SBNO1: variants seen among roughly 807,000 people sequenced by gnomAD.
The protein encoded by SBNO1 is strawberry notch homolog 1, also known as protein strawberry notch homolog 1.
In SBNO1, 23 loss-of-function variants were observed where a neutral mutation model predicts 173.6. The ratio of observed to expected loss-of-function variants is 0.13; its 90% CI spans 0.10 to 0.19. The LOEUF (loss-of-function observed/expected upper bound fraction) is 0.19. SBNO1 is among the 10% of genes least tolerant of loss of function. The probability of loss-of-function intolerance (pLI) is 1.00; values close to 1 mark genes in which losing one functional copy is unlikely to be tolerated. For missense variants in SBNO1, 1,238 were observed against 1,671.2 expected (o/e 0.74, Z 4.52); for synonymous variants, 632 against 571.5 (o/e 1.11, Z -1.51).
chr12:123,294,182 GAATA>G lies in SBNO1; in HGVS notation c.*1722_*1725del, dbSNP rs2048550872. On this transcript the variant is annotated 3_prime_UTR_variant, in exon 32 of 32. Transcript: ENST00000602398. ...TTCAATTTATTCTTTTAGGCACCAA[GAATA>G]AATAAATCCTAAGAAAACTTACGGT... The G allele has an allele frequency of 2.6e-5, 4 of 152,032 alleles. No individual in the cohort carries two copies. The highest frequency in any genetic ancestry group is 2.0e-4 in the Admixed American group (3 of 15,248). The allele number at this position is 152,032 out of a possible 1,614,324, so 9.4% of individuals were successfully genotyped here.
chr12:123,327,652 A>G, intron 12 of SBNO1, 55 bp downstream of exon 12: 2 of 1,590,120 alleles, frequency 1.3e-6, no homozygotes, highest in African/African-American at 2.7e-5. Context: ...GGCTTTAGGA[A>G]TAACACACTT....
chr12:123,363,933 A>G (rs1179595979), intron 1 of SBNO1: 15 of 985,330 alleles, frequency 1.5e-5, no homozygotes, highest in Admixed American at 1.2e-4. Context: ...ACCGACCCCA[A>G]ACCACTTCTG....
At chr12:123,363,165 G>A (rs182263335) in intron 1 of SBNO1, among the ~76,000 whole-genome samples, 1 of 152,182 alleles carries the variant, frequency 6.6e-6, no homozygotes, top group East Asian at 1.9e-4. Context: ...GCAGAAGCCA[G>A]AGAAAAAAAG....
chr12:123,314,357 G>C (rs1869010704), intron 23 of SBNO1, among the ~76,000 whole-genome samples: 1 of 151,260 alleles, frequency 6.6e-6, no homozygotes, highest in Non-Finnish European at 1.5e-5. Context: ...TTGAGACGGA[G>C]TCTTGCTCTG....
chr12:123,304,656 A>G lies in SBNO1; in HGVS notation c.3694T>C (p.Leu1232=). 8 of 1,571,866 alleles carry G rather than the reference A, an allele frequency of 5.1e-6. No homozygotes were observed. Among genetic ancestry groups the G allele is most frequent in the Non-Finnish European group, 7.0e-6 (8 of 1,143,330 alleles). Residue 1232 remains leucine, a synonymous_variant, in exon 29 of 32, where the codon TTA becomes CTA. Transcript: ENST00000602398. ...KEVNPKKKLF[L]VYRPNTGKQL... ...TTCCCAGTATTTGGTCGATAAACTAAGAAAAGTTTCTTTTTAGGATTCACT... is the reference window on the plus strand; with the variant it reads ...TTCCCAGTATTTGGTCGATAAACTAGGAAAAGTTTCTTTTTAGGATTCACT...
chr12:123,328,804 T>G lies in SBNO1; in HGVS notation c.1226A>C (p.Gln409Pro), dbSNP rs749736815. The G allele has an allele frequency of 6.2e-7, 1 of 1,610,966 alleles. No individual in the cohort carries two copies. The highest frequency in any genetic ancestry group is 2.2e-5 in the East Asian group (1 of 44,848). The change falls in exon 10 of 32, where the codon CAG (glutamine) becomes CCG (proline). Residue 409 changes from glutamine to proline, a missense_variant. By Grantham distance (76) the Gln-to-Pro change is moderately conservative (BLOSUM62 -1). Around this residue, in one of 14 missense-constraint regions of SBNO1, gnomAD observed 182 missense variants for 339.9 expected, o/e 0.54. Transcript: ENST00000602398. ...CCTAGTTTTATACTTGCCGCCAGACTGGCTTTCACCAATAAGTGAAGAGTA... is the reference window on the plus strand; with the variant it reads ...CCTAGTTTTATACTTGCCGCCAGACGGGCTTTCACCAATAAGTGAAGAGTA... ...ATYSSLIGES[Q>P]SGGKYKTRLK...
intron 13 of SBNO1, among the ~76,000 whole-genome samples, chr12:123,326,923 C>T (rs115726354): frequency 6.6e-6 from 1 of 152,154 alleles, no homozygotes; most frequent in African/African-American, 2.4e-5. Context: ...TAAGACCCTG[C>T]TTCAATTAAA....
chr12:123,334,541 C>A (rs2139016285), intron 6 of SBNO1, among the ~76,000 whole-genome samples: 1 of 152,086 alleles, frequency 6.6e-6, no homozygotes, highest in Admixed American at 6.5e-5. Flanking sequence ...ATCCCTGTCT[C>A]TACTAAAAAT....
intron 1 of SBNO1, chr12:123,363,992 G>C (rs1455668168): frequency 2.1e-5 from 21 of 985,482 alleles, no homozygotes; most frequent in Non-Finnish European, 2.5e-5. Flanking sequence ...TGCTCGTTAT[G>C]CCAAACGCTC....
Position 123,307,639 on chromosome 12 carries a change from G to A in SBNO1, c.3630+1671C>T, listed in dbSNP as rs577327429. On this transcript the variant is annotated intron_variant, in intron 28 of 31. Coordinates refer to ENST00000602398, the MANE Select transcript of SBNO1 (RefSeq NM_001167856.3). ...ATTACTCAGCCTTGTAAAAAAGAAC[G>A]AAGGGGCCAGGCAGCGTGGTTCACA... Among the ~76,000 whole-genome samples the A allele has an allele frequency of 2.6e-5, 4 of 152,150 alleles. No homozygotes were observed. In the South Asian group the frequency reaches 6.2e-4, roughly 24 times the overall value.
intron 4 of SBNO1, among the ~76,000 whole-genome samples, chr12:123,344,485 A>T (rs775761056): frequency 6.6e-6 from 1 of 152,202 alleles, no homozygotes; most frequent in Non-Finnish European, 1.5e-5. Context: ...CTTAAGACAA[A>T]GTTCTACATC....
intron 19 of SBNO1, 81 bp downstream of exon 19, chr12:123,320,351 A>T: frequency 7.9e-7 from 1 of 1,257,892 alleles, no homozygotes; most frequent in Non-Finnish European, 1.1e-6. Flanking sequence ...TTAGATTATT[A>T]TGTGAAGACA....
In SBNO1 at chr12:123,294,886, ATAAC is replaced by A. The variant is rs1361904513; in HGVS notation, c.*1018_*1021del. The A allele has an allele frequency of 6.7e-6, 1 of 148,736 alleles. No individual in the cohort carries two copies. Among genetic ancestry groups the A allele is most frequent in the African/African-American group, 2.6e-5 (1 of 38,334 alleles). The allele number at this position is 148,736 out of a possible 1,614,324, so 9.2% of individuals were successfully genotyped here. On this transcript the variant is annotated 3_prime_UTR_variant, in exon 32 of 32. Transcript: ENST00000602398. Reference sequence around the variant, plus strand: ...TTACTGAGTAACAACAATAACAACAATAACAAAAGAACACACAGCAGAAGCCTCA... The same window carrying A: ...TTACTGAGTAACAACAATAACAACAAAAAAGAACACACAGCAGAAGCCTCA...
intron 4 of SBNO1, among the ~76,000 whole-genome samples, chr12:123,342,754 G>A (rs1048637106): frequency 2.0e-5 from 3 of 151,210 alleles, no homozygotes; most frequent in African/African-American, 4.8e-5. Context: ...CAGAACCCCT[G>A]GAACCAGCCT....
intron 1 of SBNO1, among the ~76,000 whole-genome samples, chr12:123,355,910 G>T (rs951016815): frequency 5.9e-5 from 9 of 152,238 alleles, no homozygotes; most frequent in African/African-American, 2.2e-4. Context: ...AGCTAGTTTT[G>T]GCAGGAAGAG....
At chr12:123,303,797 C>A (rs1209811224) in intron 29 of SBNO1, among the ~76,000 whole-genome samples, 1 of 151,296 alleles carries the variant, frequency 6.6e-6, no homozygotes, top group African/African-American at 2.4e-5. Flanking sequence ...GAGTTCCAGA[C>A]CAGCTCAGCC....
Position 123,298,149 on chromosome 12 carries a change from T to C in SBNO1, c.3868A>G (p.Ser1290Gly), listed in dbSNP as rs142291008. Residue 1290 changes from serine to glycine, a missense_variant, in exon 31 of 32, where the codon AGC (serine) becomes GGC (glycine). Transcript: ENST00000602398. ...CCTATTTCACAAACTAGCCCCAAGCTTGCTTTTTTGCAATTGCCGCGCCTA... is the reference window on the plus strand; with the variant it reads ...CCTATTTCACAAACTAGCCCCAAGCCTGCTTTTTTGCAATTGCCGCGCCTA... ...AYWRGNCKKA[S>G]LGLVCEIGLR... The C allele has an allele frequency of 2.4e-5, 38 of 1,612,856 alleles. No individual in the cohort carries two copies. The African/African-American group carries it at 3.1e-4, about 13-fold the overall frequency.
chr12:123,332,203 T>C (rs961552674), intron 7 of SBNO1, among the ~76,000 whole-genome samples: 12 of 152,226 alleles, frequency 7.9e-5, no homozygotes, highest in Admixed American at 2.6e-4. Flanking sequence ...TACTCTTCCA[T>C]GCACCAGGTA....
chr12:123,333,767 G>A lies in SBNO1; in HGVS notation c.909+286C>T, dbSNP rs564673917. ...CCCACCTCAGCCTCCCAAACTGTTGGGATTGCAGACATGAGCCACTGTGCC... is the reference window on the plus strand; with the variant it reads ...CCCACCTCAGCCTCCCAAACTGTTGAGATTGCAGACATGAGCCACTGTGCC... On this transcript the variant is annotated intron_variant, in intron 7 of 31. Transcript: ENST00000602398. Among the ~76,000 whole-genome samples, 3 of 152,086 alleles carry A rather than the reference G, an allele frequency of 2.0e-5. No individual in the cohort carries two copies. The South Asian group carries it at 6.2e-4, about 32-fold the overall frequency.
Sources: gnomAD v4.1 joint callset for allele counts (sites outside exome capture counted in the v4.1 genomes callset) on GRCh38, gnomAD v4.1.1 for gene constraint, gnomAD v4.1.1 regional missense constraint, MANE v1.5 for transcripts, NCBI Gene and HGNC (gene_info 2026-07-23, HGNC 2026-07-21) for gene names.